Variants in MLPH observed in about 807,000 individuals in gnomAD.
MLPH encodes melanophilin.
MLPH carries 51 observed loss-of-function variants against 72.1 expected under a neutral mutation model. That is an observed-to-expected ratio of 0.71 (90% CI 0.56 to 0.89). MLPH has a LOEUF of 0.89. Ranked by LOEUF, MLPH falls within the 40% of genes least tolerant of loss-of-function variation. The pLI is 0.00. For missense variants in MLPH, 743 were observed against 759.9 expected (o/e 0.98, Z 0.26); for synonymous variants, 301 against 310.1 (o/e 0.97, Z 0.31).
chr2:237,522,638 C>T (rs2080214002), intron 6 of MLPH, among the ~76,000 whole-genome samples: 1 of 151,472 alleles, frequency 6.6e-6, no homozygotes, highest in Non-Finnish European at 1.5e-5. Flanking sequence ...CTTCAAACAC[C>T]TGCTGCAACT....
At chr2:237,488,873 A>G (rs2106443429) in intron 1 of MLPH, among the ~76,000 whole-genome samples, 1 of 152,304 alleles carries the variant, frequency 6.6e-6, no homozygotes, top group South Asian at 2.1e-4. Context: ...CCCCAGTCTC[A>G]GTGGTTGGGG....
At chr2:237,537,161 GAGTT>G (rs937823416) in intron 9 of MLPH, among the ~76,000 whole-genome samples, 22 of 152,210 alleles carry the variant, frequency 1.4e-4, no homozygotes, top group Non-Finnish European at 5.9e-5. Context: ...AAACAAGGAC[GAGTT>G]AGTCACCCTG....
Position 237,540,387 on chromosome 2 carries a change from G to C in MLPH, c.1144G>C (p.Glu382Gln), listed in dbSNP as rs757199037. 1.2e-6 allele frequency: 2 copies of C among 1,613,288 alleles called. No individual in the cohort carries two copies. The highest frequency in any genetic ancestry group is 4.5e-5 in the East Asian group (2 of 44,876). ...AGTGCGCACGGAGGCCGATGTAGAG[G>C]AGGAGGCCCTGAGGAGGAAGCTGGA... The part of the protein sequence containing the change: ...AGVRTEADVE[E>Q]EALRRKLEEL... The change falls in exon 10 of 16, where the codon GAG becomes CAG. Residue 382 changes from glutamate to glutamine, a missense_variant. Physicochemically the swap from Glu to Gln is conservative, Grantham distance 29. Transcript: ENST00000264605.
intron 2 of MLPH, among the ~76,000 whole-genome samples, chr2:237,509,365 A>G (rs2079843087): frequency 6.6e-6 from 1 of 152,094 alleles, no homozygotes; most frequent in African/African-American, 2.4e-5. Flanking sequence ...CCCTCAGGGT[A>G]CCGTTCTGCC....
At chr2:237,549,078 T>C (rs940732375) in intron 13 of MLPH, 143 bp from the exon 14 acceptor site, 103 of 731,874 alleles carry the variant, frequency 1.4e-4, no homozygotes, top group Non-Finnish European at 1.8e-4. Context: ...CTCATATTGC[T>C]AAAAGTTCAA....
Position 237,553,873 on chromosome 2 carries a change from G to A in MLPH, c.*281G>A. On this transcript the variant is annotated 3_prime_UTR_variant, in exon 16 of 16. Transcript: ENST00000264605. ...TGACTTCCCTTTAGGACAATGTTGT[G>A]TAAATCTTTGAAGGACACACCGAAG... The A allele has an allele frequency of 3.2e-6, 2 of 618,626 alleles. No homozygotes were observed. The highest frequency in any genetic ancestry group is 6.0e-6 in the Non-Finnish European group (2 of 334,036). The allele number at this position is 618,626 out of a possible 1,614,324, so 38.3% of individuals were successfully genotyped here.
intron 8 of MLPH, among the ~76,000 whole-genome samples, chr2:237,529,022 T>C (rs1332127471): frequency 6.6e-6 from 1 of 152,218 alleles, no homozygotes. Flanking sequence ...CTGTCAGCTA[T>C]GTGAAACGCT....
chr2:237,540,415 A>T lies in MLPH; in HGVS notation c.1172A>T (p.Glu391Val), dbSNP rs61736277. 3.5e-4 allele frequency: 560 copies of T among 1,613,590 alleles called. 1 individual carries two copies. The African/African-American group carries it at 5.7e-3, about 16-fold the overall frequency. The change falls in exon 10 of 16, where the codon GAG (glutamate) becomes GTG (valine). Residue 391 changes from glutamate (E) to valine (V), a missense_variant. By Grantham distance (121) the Glu-to-Val change is moderately radical. Coordinates refer to ENST00000264605, the MANE Select transcript of MLPH (RefSeq NM_024101.7). The part of the protein sequence containing the change: ...EEEALRRKLE[E>V]LTSNVSDQET... Reference sequence around the variant, plus strand: ...GAGGCCCTGAGGAGGAAGCTGGAGGAGCTGACCAGCAACGTCAGTGACCAG... The same window carrying T: ...GAGGCCCTGAGGAGGAAGCTGGAGGTGCTGACCAGCAACGTCAGTGACCAG...
chr2:237,511,176 G>T, intron 4 of MLPH, 75 bp downstream of exon 4: 1 of 1,124,402 alleles, frequency 8.9e-7, no homozygotes, highest in East Asian at 2.4e-5. Context: ...CCTTTGGAGT[G>T]TGCATGTGTG....
Position 237,549,226 on chromosome 2 carries a change from G to A in MLPH, c.1623G>A (p.Met541Ile). 6.2e-7 allele frequency: 1 copy of A among 1,614,110 alleles called. No homozygotes were observed. The highest frequency in any genetic ancestry group is 1.1e-5 in the South Asian group (1 of 91,084). The change falls in exon 14 of 16, where the codon ATG (methionine) becomes ATA (isoleucine). Residue 541 changes from methionine to isoleucine, a missense_variant. Met to Ile is a conservative substitution (Grantham distance 10). Coordinates refer to ENST00000264605, the MANE Select transcript of MLPH (RefSeq NM_024101.7). ...NADPSSEAKAMAVPYLLRRKF... is the reference protein window; with the variant it reads ...NADPSSEAKAIAVPYLLRRKF... ...AGACACTCTGTTTCTTCTAGGCAAT[G>A]GCTGTGCCCTATCTTCTGAGAAGAA...
At position 237,505,724 on chromosome 2, in the gene MLPH, C is replaced by A. The variant is rs2079754298; in HGVS notation, c.111-4850C>A. Among the ~76,000 whole-genome samples, 2 of 152,180 alleles carry A rather than the reference C, an allele frequency of 1.3e-5. No individual in the cohort carries two copies. Among genetic ancestry groups the A allele is most frequent in the Admixed American group, 1.3e-4 (2 of 15,276 alleles). ...ATAGGAGCGGCCTTTCCTTCCTGTT[C>A]CCGTCCTAGAAGCGTTTTCCTTCCC... On this transcript the variant is annotated intron_variant, in intron 2 of 15. Transcript: ENST00000264605. This position sits in a 1 kb window ranked among gnomAD's most constrained non-coding sequence, Gnocchi z 4.5.
chr2:237,510,626 G>A lies in MLPH; in HGVS notation c.163G>A (p.Asp55Asn), dbSNP rs202208516. 3.3e-5 allele frequency: 53 copies of A among 1,613,544 alleles called. No individual in the cohort carries two copies. In the East Asian group the frequency reaches 8.7e-4, roughly 26 times the overall value. Residue 55 changes from aspartate to asparagine, a missense_variant, in exon 3 of 16, where the codon GAC becomes AAC. Asp to Asn is a conservative substitution (Grantham distance 23, BLOSUM62 1). Coordinates refer to ENST00000264605, the MANE Select transcript of MLPH (RefSeq NM_024101.7). The surrounding 1 kb of genome is among the most constrained non-coding windows in gnomAD (Gnocchi z 4.4). ...AAGCTCCAAGAGGGAGCTGCTTTCC[G>A]ACACTGCCCATCTGAACGAGACCCA... ...KESSKRELLSDTAHLNETHCA... is the reference protein window; with the variant it reads ...KESSKRELLSNTAHLNETHCA...
intron 6 of MLPH, among the ~76,000 whole-genome samples, chr2:237,520,649 G>A (rs1411221408): frequency 6.6e-6 from 1 of 152,174 alleles, no homozygotes; most frequent in Admixed American, 6.5e-5. Flanking sequence ...TAGTATTTAT[G>A]TTGCAATTGA....
intron 8 of MLPH, among the ~76,000 whole-genome samples, chr2:237,528,861 C>T (rs1464580683): frequency 6.6e-6 from 1 of 152,214 alleles, no homozygotes; most frequent in Non-Finnish European, 1.5e-5. Flanking sequence ...AGAAGGACAT[C>T]TGGCCTTTTG....
intron 14 of MLPH, 72 bp from the exon 15 acceptor site, chr2:237,552,265 G>C: frequency 7.9e-7 from 1 of 1,258,466 alleles, no homozygotes; most frequent in African/African-American, 1.5e-5. Flanking sequence ...AATTTCTGAG[G>C]AGGCCAAGGC....
intron 6 of MLPH, among the ~76,000 whole-genome samples, chr2:237,521,874 A>C (rs371938456): frequency 7.6e-6 from 1 of 130,880 alleles, no homozygotes; most frequent in Non-Finnish European, 1.6e-5. Flanking sequence ...GGAGTGGAGC[A>C]GGGCTGAGAC....
intron 14 of MLPH, among the ~76,000 whole-genome samples, chr2:237,551,308 G>A (rs566911259): frequency 2.2e-4 from 33 of 152,380 alleles, no homozygotes; most frequent in Non-Finnish European, 5.9e-5. Flanking sequence ...CAGCACAACA[G>A]GAGCACGCTG....
At chr2:237,530,376 C>T (rs893663673) in intron 8 of MLPH, among the ~76,000 whole-genome samples, 16 of 152,170 alleles carry the variant, frequency 1.1e-4, no homozygotes, top group African/African-American at 3.6e-4. Flanking sequence ...AATGATCTAC[C>T]AAAAATGAGC....
At chr2:237,545,627 C>T (rs1231678932) in intron 12 of MLPH, 1 of 1,284,020 alleles carries the variant, frequency 7.8e-7, no homozygotes, top group Non-Finnish European at 1.0e-6. Flanking sequence ...GGGAGGCTCA[C>T]ATCAGAGGAG....
Sources: gnomAD v4.1 joint callset for allele counts (sites outside exome capture counted in the v4.1 genomes callset) on GRCh38, gnomAD v4.1.1 for gene constraint, Gnocchi (gnomAD v3.1) non-coding constraint, MANE v1.5 for transcripts, NCBI Gene and HGNC (gene_info 2026-07-23, HGNC 2026-07-21) for gene names.